Variants in ZNF277 observed in about 807,000 individuals in gnomAD.
ZNF277 encodes zinc finger protein 277.
Under a neutral mutation model 60.7 loss-of-function variants are expected in ZNF277, and 55 were observed. The ratio of observed to expected loss-of-function variants is 0.91; its 90% confidence interval spans 0.73 to 1.13. ZNF277 has a LOEUF of 1.13. Among genes scored for constraint, ZNF277 ranks in the 50% most tolerant of loss-of-function variants. The probability of loss-of-function intolerance (pLI) is 0.00; values close to 1 mark genes in which losing one functional copy is unlikely to be tolerated. For missense variants in ZNF277, 510 were observed against 523.0 expected (o/e 0.98, Z 0.24); for synonymous variants, 178 against 179.3 (o/e 0.99, Z 0.06).
chr7:112,302,019 G>A (rs1471838238), intron 4 of ZNF277, among the ~76,000 whole-genome samples: 1 of 152,080 alleles, frequency 6.6e-6, no homozygotes, highest in African/African-American at 2.4e-5. Context: ...TTGTCTACAG[G>A]AGAAAATGTG....
intron 4 of ZNF277, among the ~76,000 whole-genome samples, chr7:112,316,137 C>A (rs1792838524): frequency 6.6e-6 from 1 of 152,082 alleles, no homozygotes. Context: ...TTCATGAGAT[C>A]CCTTTCAGCT....
chr7:112,331,221 G>C (rs1410614098), intron 7 of ZNF277, among the ~76,000 whole-genome samples: 1 of 152,110 alleles, frequency 6.6e-6, no homozygotes, highest in Non-Finnish European at 1.5e-5. Flanking sequence ...TTGGAAATAT[G>C]GGAGGGGATT....
At chr7:112,296,922 T>TATTTATTATTA (rs1219564990) in intron 4 of ZNF277, among the ~76,000 whole-genome samples, 3 of 72,562 alleles carry the variant, frequency 4.1e-5, no homozygotes, top group African/African-American at 9.5e-5. Context: ...ATTTTTTTTT[T>TATTTATTATTA]TTTTTTTTTT....
chr7:112,305,143 G>A (rs902685162), intron 4 of ZNF277, among the ~76,000 whole-genome samples: 2 of 152,078 alleles, frequency 1.3e-5, no homozygotes, highest in African/African-American at 4.8e-5. Flanking sequence ...TGTAATCCCA[G>A]CACTTTGGGA....
At chr7:112,279,771 AAAG>A (rs1232887733) in intron 1 of ZNF277, among the ~76,000 whole-genome samples, 9 of 152,236 alleles carry the variant, frequency 5.9e-5, no homozygotes, top group Non-Finnish European at 8.8e-5. Flanking sequence ...AAGCTAGAAA[AAAG>A]AAATATTTTT....
chr7:112,212,382 G>A (rs1821775169), intron 1 of ZNF277, among the ~76,000 whole-genome samples: 1 of 152,110 alleles, frequency 6.6e-6, no homozygotes, highest in African/African-American at 2.4e-5. Context: ...TGACAAAACG[G>A]TATTTAAATT....
At position 112,337,814 on chromosome 7, in the gene ZNF277, T is replaced by G; in HGVS notation, c.954T>G (p.Tyr318Ter). ...EKQAETIEKL[Y>*]VHMEDAHEFD... The stretch of plus-strand genomic sequence containing the variant: ...AAGCAGAAACAATTGAGAAGTTGTA[T>G]GTCCACATGGAGGTAAGATACCTGT... Residue 318 changes from tyrosine to a stop codon, truncating the protein, a stop_gained, in exon 9 of 12, where the codon TAT becomes TAG. Coordinates refer to ENST00000361822, the MANE Select transcript of ZNF277 (RefSeq NM_021994.3). LOFTEE classifies it high-confidence loss of function. 1 of 1,611,238 alleles carries G rather than the reference T, an allele frequency of 6.2e-7. No individual in the cohort carries two copies. Among genetic ancestry groups the G allele is most frequent in the Admixed American group, 1.7e-5 (1 of 59,990 alleles).
chr7:112,221,605 A>G (rs1337257604), intron 1 of ZNF277, among the ~76,000 whole-genome samples: 1 of 152,228 alleles, frequency 6.6e-6, no homozygotes. Flanking sequence ...TTTTCCTGCA[A>G]CTAGACAGTC....
intron 1 of ZNF277, among the ~76,000 whole-genome samples, chr7:112,223,865 A>G (rs1413959354): frequency 6.6e-6 from 1 of 152,232 alleles, no homozygotes; most frequent in Non-Finnish European, 1.5e-5. Context: ...CTTCCTTGTC[A>G]CATTCAAAAG....
At chr7:112,338,110 T>C (rs1431315615) in intron 9 of ZNF277, among the ~76,000 whole-genome samples, 2 of 152,212 alleles carry the variant, frequency 1.3e-5, no homozygotes, top group African/African-American at 4.8e-5. Context: ...GGACAGGTTC[T>C]GAGTCTTTTT....
At chr7:112,246,069 A>G (rs945702678) in intron 1 of ZNF277, among the ~76,000 whole-genome samples, 1 of 152,080 alleles carries the variant, frequency 6.6e-6, no homozygotes, top group Non-Finnish European at 1.5e-5. Context: ...CAAAAATATA[A>G]TGGCCCAGGA....
At chr7:112,340,054 T>C (rs1221020926) in intron 10 of ZNF277, among the ~76,000 whole-genome samples, 169 bp downstream of exon 10, 1 of 152,256 alleles carries the variant, frequency 6.6e-6, no homozygotes, top group Non-Finnish European at 1.5e-5. Flanking sequence ...TCAACCATAA[T>C]AGTCAAATAT....
chr7:112,266,565 T>G (rs182060420), intron 1 of ZNF277, among the ~76,000 whole-genome samples: 62 of 152,234 alleles, frequency 4.1e-4, no homozygotes, highest in Middle Eastern at 6.8e-3. Flanking sequence ...CTTTTTTTTT[T>G]GACAGCGGGG....
intron 1 of ZNF277, among the ~76,000 whole-genome samples, chr7:112,218,177 A>G (rs552662796): frequency 1.8e-4 from 27 of 152,306 alleles, no homozygotes; most frequent in African/African-American, 6.3e-4. Flanking sequence ...GGGCAAAATG[A>G]ACCTATTGGG....
chr7:112,291,341 C>A (rs1175858780), intron 2 of ZNF277, among the ~76,000 whole-genome samples: 3 of 152,002 alleles, frequency 2.0e-5, no homozygotes, highest in African/African-American at 7.2e-5. Flanking sequence ...GATATTGCAA[C>A]AAGGATTTTT....
At chr7:112,318,862 G>A (rs961427874) in intron 5 of ZNF277, among the ~76,000 whole-genome samples, 6 of 152,042 alleles carry the variant, frequency 3.9e-5, no homozygotes, top group Admixed American at 1.3e-4. Context: ...TAAAGTCAGA[G>A]GTTCCCACTG....
intron 5 of ZNF277, among the ~76,000 whole-genome samples, chr7:112,319,639 T>G (rs138926809): frequency 6.8e-6 from 1 of 147,746 alleles, no homozygotes; most frequent in African/African-American, 2.5e-5. Context: ...ATTTATAAAT[T>G]ATAATTTATA....
At chr7:112,274,648 T>C (rs899385657) in intron 1 of ZNF277, among the ~76,000 whole-genome samples, 2 of 152,238 alleles carry the variant, frequency 1.3e-5, no homozygotes, top group Admixed American at 1.3e-4. Context: ...TTTATGATTC[T>C]ATGTAAAACA....
intron 1 of ZNF277, among the ~76,000 whole-genome samples, chr7:112,261,080 C>T (rs1791427644): frequency 6.6e-6 from 1 of 152,200 alleles, no homozygotes; most frequent in African/African-American, 2.4e-5. Flanking sequence ...TGGGTTTGCT[C>T]AGACAGCTTG....
Sources: allele counts gnomAD v4.1 joint callset (sites outside exome capture counted in the v4.1 genomes callset), GRCh38; gene constraint gnomAD v4.1.1; transcripts MANE v1.5; gene names NCBI Gene and HGNC (gene_info 2026-07-23, HGNC 2026-07-21).